Variants in ZMYM5 observed in about 807,000 individuals in gnomAD.
The protein encoded by ZMYM5 is zinc finger MYM-type containing 5.
In ZMYM5, 41 loss-of-function variants were observed where a neutral mutation model predicts 61.8. That is an observed-to-expected ratio of 0.66 (90% CI 0.52 to 0.86). The LOEUF (loss-of-function observed/expected upper bound fraction) is 0.86. ZMYM5 is among the 40% of genes least tolerant of loss of function. The probability of loss-of-function intolerance (pLI) is 0.00; values close to 1 mark genes in which losing one functional copy is unlikely to be tolerated. For missense variants in ZMYM5, 706 were observed against 786.7 expected (o/e 0.90, Z 1.23); for synonymous variants, 257 against 276.4 (o/e 0.93, Z 0.70).
intron 4 of ZMYM5, among the ~76,000 whole-genome samples, chr13:19,850,818 A>AT (rs1415403452): frequency 6.6e-6 from 1 of 152,222 alleles, no homozygotes; most frequent in Non-Finnish European, 1.5e-5. Flanking sequence ...AAAATATTTT[A>AT]GATGTAAATC....
intron 2 of ZMYM5, among the ~76,000 whole-genome samples, chr13:19,860,448 A>G (rs12858404): frequency 0.68 from 95,226 of 141,036 alleles, 33,573 homozygotes; most frequent in East Asian, 0.9. Context: ...GTGTGTGTGT[A>G]TGTGTGTGTG....
In ZMYM5 at chr13:19,824,524, A is replaced by C. The variant is rs930751092; in HGVS notation, c.1963T>G (p.Leu655Val). The change falls in exon 8 of 8, where the codon TTA becomes GTA. Residue 655 changes from leucine to valine, a missense_variant. Physicochemically the swap from Leu to Val is conservative, Grantham distance 32. Transcript: ENST00000337963. ...CCATCATTTTTCTCATTTTCATATA[A>C]TCTGTGTTCTGCAGCATCAATAGCT... ...NKAIDAAEHRLYENEKNDGVL... is the reference protein window; with the variant it reads ...NKAIDAAEHRVYENEKNDGVL... 7.5e-7 allele frequency: 1 copy of C among 1,327,678 alleles called. No individual in the cohort carries two copies. Among genetic ancestry groups the C allele is most frequent in the Admixed American group, 2.4e-5 (1 of 42,156 alleles). 82.2% of individuals were successfully genotyped at this position (1,327,678 alleles called of 1,614,324 possible).
At chr13:19,836,413 T>G (rs1952676816) in intron 6 of ZMYM5, among the ~76,000 whole-genome samples, 1 of 152,144 alleles carries the variant, frequency 6.6e-6, no homozygotes, top group South Asian at 2.1e-4. Context: ...TAGAAGATTT[T>G]GACATGACCC....
chr13:19,859,267 A>C (rs1953633416), intron 2 of ZMYM5, among the ~76,000 whole-genome samples: 1 of 152,208 alleles, frequency 6.6e-6, no homozygotes, highest in Non-Finnish European at 1.5e-5. Context: ...AAGAATCAGC[A>C]AAAAAGGAAA....
At chr13:19,832,037 T>C (rs1469220259) in intron 7 of ZMYM5, among the ~76,000 whole-genome samples, 1 of 151,500 alleles carries the variant, frequency 6.6e-6, no homozygotes, top group Non-Finnish European at 1.5e-5. Context: ...TTTGTATTTT[T>C]TGTAGAAACG....
At chr13:19,825,295 T>C in intron 7 of ZMYM5, 60 bp from the exon 8 acceptor site, 1 of 1,167,546 alleles carries the variant, frequency 8.6e-7, no homozygotes, top group South Asian at 1.6e-5. Flanking sequence ...TTAATGTATA[T>C]TCAAATGCTC....
Position 19,824,372 on chromosome 13 carries a change from T to G in ZMYM5, c.*105A>C. ...TTGCTAAGGAACTGCTGCAAGTTAC[T>G]CTGTAGAGGAGACTTACAACACAAT... On this transcript the variant is annotated 3_prime_UTR_variant, in exon 8 of 8. Transcript: ENST00000337963. 1 of 981,382 alleles carries G rather than the reference T, an allele frequency of 1.0e-6. No homozygotes were observed. Among genetic ancestry groups the G allele is most frequent in the Non-Finnish European group, 1.3e-6 (1 of 791,184 alleles). 60.8% of individuals were successfully genotyped at this position (981,382 alleles called of 1,614,324 possible). A position where few individuals can be genotyped will look rare whatever the true frequency, so the allele number is the denominator to read the frequency against.
chr13:19,848,148 T>C (rs989857787), intron 4 of ZMYM5, among the ~76,000 whole-genome samples: 2 of 151,658 alleles, frequency 1.3e-5, no homozygotes, highest in African/African-American at 4.9e-5. Flanking sequence ...TTTTTTTTTG[T>C]TGTTTTTTGT....
Position 19,851,954 on chromosome 13 carries a change from A to T in ZMYM5, c.227T>A (p.Ile76Lys). ...AAATATGAAGTTTCTTTGATCAGCT[A>T]TTGCTGGAGCAGAAATTGAAGGAGG... ...IQPPSISAPA[I>K]ADQRNFIFAS... The change falls in exon 3 of 8, where the codon ATA becomes AAA. Residue 76 changes from isoleucine to lysine, a missense_variant. Around this residue, in one of 2 missense-constraint regions of ZMYM5, gnomAD observed 480 missense variants for 461.7 expected, o/e 1.04. Coordinates refer to ENST00000337963, the MANE Select transcript of ZMYM5 (RefSeq NM_001142684.2). 1 of 1,614,052 alleles carries T rather than the reference A, an allele frequency of 6.2e-7. No homozygotes were observed. Among genetic ancestry groups the T allele is most frequent in the South Asian group, 1.1e-5 (1 of 91,074 alleles).
chr13:19,863,328 C>G (rs1290510919), intron 1 of ZMYM5, 122 bp downstream of exon 1: 1 of 152,024 alleles, frequency 6.6e-6, no homozygotes, highest in African/African-American at 2.4e-5. Context: ...GGAGGGCAGC[C>G]CCGAGCTGCC....
intron 4 of ZMYM5, among the ~76,000 whole-genome samples, chr13:19,847,294 TC>T (rs1953108312): frequency 2.0e-5 from 3 of 152,106 alleles, no homozygotes. Flanking sequence ...TGTAACAACC[TC>T]GAAAACTACT....
chr13:19,854,887 C>T (rs183652992), intron 2 of ZMYM5, among the ~76,000 whole-genome samples: 2 of 152,238 alleles, frequency 1.3e-5, no homozygotes, highest in African/African-American at 2.4e-5. Context: ...AAACCTATTT[C>T]TTAGCCAGTA....
chr13:19,848,832 GC>G (rs1002594575), intron 4 of ZMYM5, among the ~76,000 whole-genome samples: 1 of 151,776 alleles, frequency 6.6e-6, no homozygotes, highest in African/African-American at 2.4e-5. Flanking sequence ...ACCATGCCCA[GC>G]CCCACCTCAG....
At chr13:19,831,895 A>G (rs1432962432) in intron 7 of ZMYM5, among the ~76,000 whole-genome samples, 1 of 146,120 alleles carries the variant, frequency 6.8e-6, no homozygotes, top group African/African-American at 2.5e-5. Flanking sequence ...TTGCTCTGTC[A>G]CCCAGGCTGG....
At chr13:19,855,849 A>C (rs1323340731) in intron 2 of ZMYM5, among the ~76,000 whole-genome samples, 3 of 151,382 alleles carry the variant, frequency 2.0e-5, no homozygotes, top group South Asian at 2.1e-4. Context: ...ATCTCTACTA[A>C]AAAAATACAA....
chr13:19,834,290 T>TA (rs1026019071), intron 7 of ZMYM5, among the ~76,000 whole-genome samples: 6 of 140,862 alleles, frequency 4.3e-5, no homozygotes, highest in African/African-American at 1.5e-4. Flanking sequence ...TTTTTTCTTT[T>TA]AAAAAAAAAA....
chr13:19,851,934 T>G lies in ZMYM5; in HGVS notation c.247A>C (p.Ile83Leu). The change falls in exon 3 of 8, where the codon ATA (isoleucine) becomes CTA (leucine). Residue 83 changes from isoleucine (I) to leucine (L), a missense_variant. Ile to Leu is a conservative substitution (Grantham distance 5, BLOSUM62 2). This residue lies in a region of ZMYM5 where 480 missense variants were observed against 461.7 expected (regional missense o/e 1.04). Coordinates refer to ENST00000337963, the MANE Select transcript of ZMYM5 (RefSeq NM_001142684.2). ...APAIADQRNFIFASSKNEKPQ... is the reference protein window; with the variant it reads ...APAIADQRNFLFASSKNEKPQ... ...TTTTCATTTTTTGATGATGCAAATA[T>G]GAAGTTTCTTTGATCAGCTATTGCT... 6.2e-7 allele frequency: 1 copy of G among 1,613,876 alleles called. No homozygotes were observed. The highest frequency in any genetic ancestry group is 8.5e-7 in the Non-Finnish European group (1 of 1,179,976).
chr13:19,831,787 CAAAA>C (rs1190448216), intron 7 of ZMYM5, among the ~76,000 whole-genome samples: 3 of 36,680 alleles, frequency 8.2e-5, no homozygotes, highest in African/African-American at 4.2e-4. Context: ...GACTCTGTCT[CAAAA>C]AAAAAAAAAA....
intron 4 of ZMYM5, among the ~76,000 whole-genome samples, chr13:19,846,268 A>G (rs1953068048): frequency 6.6e-6 from 1 of 152,212 alleles, no homozygotes; most frequent in South Asian, 2.1e-4. Flanking sequence ...TTCATACCAA[A>G]GTACAAAGGT....
Sources: gnomAD v4.1 joint callset for allele counts (sites outside exome capture counted in the v4.1 genomes callset) on GRCh38, gnomAD v4.1.1 for gene constraint, gnomAD v4.1.1 regional missense constraint, MANE v1.5 for transcripts, NCBI Gene and HGNC (gene_info 2026-07-23, HGNC 2026-07-21) for gene names.